The following ARHGEF17 variants were observed in gnomAD, a reference collection of about 807,000 sequenced individuals.
ARHGEF17 encodes the protein 164 kDa Rho-specific guanine-nucleotide exchange factor.
ARHGEF17 carries 80 observed loss-of-function variants against 174.0 expected under a neutral mutation model. The observed-to-expected ratio is 0.46, with a 90% CI of 0.38 to 0.55. The LOEUF (loss-of-function observed/expected upper bound fraction) is 0.55. ARHGEF17 is among the 20% of genes least tolerant of loss of function. The pLI, the probability that ARHGEF17 is intolerant of heterozygous loss-of-function variation, is 0.00. For missense variants in ARHGEF17, 2,886 were observed against 2,839.7 expected (o/e 1.02, Z -0.37); for synonymous variants, 1,311 against 1,189.1 (o/e 1.10, Z -2.11).
rs7114077 is a variant in ARHGEF17, at chr11:73,325,272, C to G, written c.3192+13442C>G. Among the ~76,000 whole-genome samples the G allele has an allele frequency of 6.1e-3, 923 of 152,292 alleles. 12 individuals carry two copies. Among genetic ancestry groups the G allele is most frequent in the African/African-American group, 0.02 (852 of 41,564 alleles). On this transcript the variant is annotated intron_variant, in intron 1 of 20. Transcript: ENST00000263674. The stretch of plus-strand genomic sequence containing the variant: ...TCCCTCTGGGCCCCTAGCCCTGAGT[C>G]CTGTCCCATGAGTTGAACTCTTGGG...
chr11:73,367,695 T>C lies in ARHGEF17; in HGVS notation c.6107T>C (p.Phe2036Ser). The change falls in exon 21 of 21, where the codon TTC becomes TCC. Residue 2036 changes from phenylalanine to serine, a missense_variant. By Grantham distance (155) the Phe-to-Ser change is radical (BLOSUM62 -2). This residue lies in a region of ARHGEF17 where 329 missense variants were observed against 435.2 expected (regional missense o/e 0.76). Coordinates refer to ENST00000263674, the MANE Select transcript of ARHGEF17 (RefSeq NM_014786.4). ...AGTGGAGGTGATGGCTATGAGGACT[T>C]CCGACTCAGCAGTGGGGGCGGCAGC... ...VISGGDGYED[F>S]RLSSGGGSSS... 1.2e-6 allele frequency: 2 copies of C among 1,614,020 alleles called. No individual in the cohort carries two copies. The highest frequency in any genetic ancestry group is 1.7e-6 in the Non-Finnish European group (2 of 1,179,994).
chr11:73,329,344 TATATATATATATATATATA>T (rs1865156167), intron 1 of ARHGEF17, among the ~76,000 whole-genome samples: 4 of 36,270 alleles, frequency 1.1e-4, no homozygotes, highest in African/African-American at 9.0e-4. Context: ...TATATATATA[TATATATATATATATATATA>T]TATATATATA....
chr11:73,308,819 C>T lies in ARHGEF17; in HGVS notation c.181C>T (p.Leu61=). ...CCAGCCCTCTCGGCGCGTGTCCAAG[C>T]TGGCGTCTGGGCCCCTGGCCGCCCC... ...RGQPSRRVSK[L]ASGPLAAPAQ... is the part of the protein sequence containing the mutation. Residue 61 remains leucine, a synonymous_variant, in exon 1 of 21, where the codon CTG becomes TTG. Coordinates refer to ENST00000263674, the MANE Select transcript of ARHGEF17 (RefSeq NM_014786.4). The T allele has an allele frequency of 2.2e-6, 3 of 1,349,846 alleles. No individual in the cohort carries two copies. In the South Asian group the frequency reaches 5.5e-5, roughly 25 times the overall value. The allele number at this position is 1,349,846 out of a possible 1,614,324, so 83.6% of individuals were successfully genotyped here.
chr11:73,353,228 C>T, intron 3 of ARHGEF17: 1 of 624,712 alleles, frequency 1.6e-6, no homozygotes, highest in South Asian at 2.0e-5. Context: ...CAGACTCTGG[C>T]ACGGACTCCG....
Position 73,308,463 on chromosome 11 carries a change from T to A in ARHGEF17, c.-176T>A, listed in dbSNP as rs984060637. ...CCCGGGATGGAGACGTTGCGGCCGG[T>A]GGCCACAGAAACTTGAGCCGCGGCA... On this transcript the variant is annotated 5_prime_UTR_variant, in exon 1 of 21. Transcript: ENST00000263674. 32 of 550,374 alleles carry A rather than the reference T, an allele frequency of 5.8e-5. No individual in the cohort carries two copies. Among genetic ancestry groups the A allele is most frequent in the Non-Finnish European group, 8.1e-5 (29 of 356,824 alleles). The allele number at this position is 550,374 out of a possible 1,614,324, so 34.1% of individuals were successfully genotyped here.
At chr11:73,363,888 G>T in intron 16 of ARHGEF17, 55 bp downstream of exon 16, 1 of 1,548,848 alleles carries the variant, frequency 6.5e-7, no homozygotes, top group Non-Finnish European at 8.9e-7. Flanking sequence ...ACACGTGCAG[G>T]CCTCCTTCTG....
At chr11:73,337,142 T>C (rs983617318) in intron 1 of ARHGEF17, among the ~76,000 whole-genome samples, 1 of 152,204 alleles carries the variant, frequency 6.6e-6, no homozygotes. Context: ...GAAGAACATG[T>C]GGGCCAGGCG....
rs1248853627 is a variant in ARHGEF17 at position 73,367,707 on chromosome 11, G to T, written c.6119G>T (p.Ser2040Ile). 6.2e-7 allele frequency: 1 copy of T among 1,614,132 alleles called. No individual in the cohort carries two copies. Among genetic ancestry groups the T allele is most frequent in the Admixed American group, 1.7e-5 (1 of 60,032 alleles). The change falls in exon 21 of 21, where the codon AGT (serine) becomes ATT (isoleucine). Residue 2040 changes from serine to isoleucine, a missense_variant. Physicochemically the swap from Ser to Ile is moderately radical, Grantham distance 142 (BLOSUM62 -2). Around this residue, in one of 4 missense-constraint regions of ARHGEF17, gnomAD observed 329 missense variants for 435.2 expected, o/e 0.76. Transcript: ENST00000263674. ...GGCTATGAGGACTTCCGACTCAGCA[G>T]TGGGGGCGGCAGCAGCAGTGAGACT... Reference protein sequence around the residue: ...GDGYEDFRLSSGGGSSSETVG... With the variant: ...GDGYEDFRLSIGGGSSSETVG...
intron 1 of ARHGEF17, among the ~76,000 whole-genome samples, chr11:73,342,354 G>C (rs540526735): frequency 6.6e-6 from 1 of 152,122 alleles, no homozygotes; most frequent in Non-Finnish European, 1.5e-5. Flanking sequence ...TCAGGCCCAA[G>C]AGCTCCTCCC....
Position 73,356,099 on chromosome 11 carries a change from T to C in ARHGEF17, c.3664-76T>C, listed in dbSNP as rs546327167. On this transcript the variant is annotated intron_variant, in intron 5 of 20. Transcript: ENST00000263674. ...GATAGTCCTCTTTGGTGTCTACCCA[T>C]AGTCCCTCCTGCTCCAGCAGTCTGG... 3.7e-5 allele frequency: 58 copies of C among 1,583,760 alleles called. No homozygotes were observed. The African/African-American group carries it at 7.1e-4, about 19-fold the overall frequency.
chr11:73,352,776 G>A, intron 2 of ARHGEF17, 54 bp from the exon 3 acceptor site: 4 of 1,597,086 alleles, frequency 2.5e-6, no homozygotes, highest in Non-Finnish European at 3.4e-6. Context: ...CTGTGTAGGT[G>A]TGGTGGGGGC....
chr11:73,325,857 G>A (rs755264744), intron 1 of ARHGEF17, among the ~76,000 whole-genome samples: 2 of 152,252 alleles, frequency 1.3e-5, no homozygotes, highest in Admixed American at 1.3e-4. Flanking sequence ...GGCCTAGGCC[G>A]CTTCCTGCCT....
intron 2 of ARHGEF17, 164 bp downstream of exon 2, chr11:73,347,124 GAGA>G: frequency 1.3e-6 from 1 of 758,072 alleles, no homozygotes; most frequent in Non-Finnish European, 2.3e-6. Context: ...GGCCATTCCA[GAGA>G]AGGAGGAAGG....
intron 3 of ARHGEF17, among the ~76,000 whole-genome samples, chr11:73,353,659 G>A (rs1306003120): frequency 6.6e-6 from 1 of 152,094 alleles, no homozygotes; most frequent in Non-Finnish European, 1.5e-5. Flanking sequence ...AGAAAGCCTG[G>A]TTCCAGTGCC....
intron 1 of ARHGEF17, among the ~76,000 whole-genome samples, chr11:73,329,373 A>ATTTTTTTTTTTT (rs1192905396): frequency 7.6e-5 from 1 of 13,168 alleles, no homozygotes; most frequent in African/African-American, 5.1e-4. Flanking sequence ...ATATATATAT[A>ATTTTTTTTTTTT]TTTTTTTTTT....
At chr11:73,329,148 T>C (rs1306062382) in intron 1 of ARHGEF17, among the ~76,000 whole-genome samples, 2 of 151,160 alleles carry the variant, frequency 1.3e-5, no homozygotes, top group Admixed American at 1.3e-4. Context: ...CTACCCTGCC[T>C]GACCCCAGGC....
At chr11:73,319,749 T>C (rs554710211) in intron 1 of ARHGEF17, among the ~76,000 whole-genome samples, 1 of 152,338 alleles carries the variant, frequency 6.6e-6, no homozygotes, top group Admixed American at 6.5e-5. Flanking sequence ...CGGGGAAAAC[T>C]TGGACACCAT....
chr11:73,323,206 C>G (rs985977683), intron 1 of ARHGEF17, among the ~76,000 whole-genome samples: 10 of 152,100 alleles, frequency 6.6e-5, no homozygotes, highest in African/African-American at 2.4e-4. Flanking sequence ...TGGGAGAGGC[C>G]TAATGGAGGG....
In ARHGEF17 at chr11:73,359,953, G is replaced by C; in HGVS notation, c.4206+1G>C. On this transcript the variant is annotated splice_donor_variant, in intron 10 of 20. Coordinates refer to ENST00000263674, the MANE Select transcript of ARHGEF17 (RefSeq NM_014786.4). LOFTEE classifies it high-confidence loss of function. ...TGAGAGCCTTGGTTTCCCCCACCAG[G>C]TCTGTGCCCTCTGCCTGACACTGGG... The C allele has an allele frequency of 6.2e-7, 1 of 1,602,880 alleles. No homozygotes were observed. The highest frequency in any genetic ancestry group is 8.5e-7 in the Non-Finnish European group (1 of 1,175,196).
Sources: allele counts gnomAD v4.1 joint callset (sites outside exome capture counted in the v4.1 genomes callset), GRCh38; gene constraint gnomAD v4.1.1; regional missense constraint gnomAD v4.1.1; transcripts MANE v1.5; gene names NCBI Gene and HGNC (gene_info 2026-07-23, HGNC 2026-07-21).